The following ENPP1 variants were observed in gnomAD, a reference collection of about 807,000 sequenced individuals.
ENPP1 encodes ectonucleotide pyrophosphatase/phosphodiesterase family member 1.
ENPP1 carries 73 observed loss-of-function variants against 122.8 expected under a neutral mutation model. The observed-to-expected ratio is 0.59, with a 90% CI of 0.49 to 0.72. The LOEUF is 0.72. Among genes scored for constraint, ENPP1 ranks in the 30% least tolerant of loss-of-function variants. The pLI is 0.00. For synonymous variants in ENPP1, 367 were observed against 391.6 expected (o/e 0.94, Z 0.74); for missense variants, 978 against 1,128.1 (o/e 0.87, Z 1.91).
At chr6:131,813,164 A>G (rs1022401860) in intron 1 of ENPP1, among the ~76,000 whole-genome samples, 23 of 151,968 alleles carry the variant, frequency 1.5e-4, no homozygotes, top group African/African-American at 4.4e-4. Flanking sequence ...TTAATTTGCA[A>G]TTGATTAAAG....
chr6:131,837,313 G>A (rs1449321728), intron 1 of ENPP1, among the ~76,000 whole-genome samples: 1 of 151,754 alleles, frequency 6.6e-6, no homozygotes, highest in Non-Finnish European at 1.5e-5. Context: ...ATCACCTGAG[G>A]TCAGGAGTTT....
Position 131,893,854 on chromosome 6 carries a change from T to C in ENPP1, c.*3343T>C, listed in dbSNP as rs1040546632. ...GGTAAATTTGAATGGTAAATTCCCA[T>C]GAACATATATGGAAATGTCTTTATC... On this transcript the variant is annotated 3_prime_UTR_variant, in exon 25 of 25. Transcript: ENST00000647893. The C allele has an allele frequency of 6.6e-6, 1 of 151,768 alleles. No individual in the cohort carries two copies. Among genetic ancestry groups the C allele is most frequent in the African/African-American group, 2.4e-5 (1 of 41,374 alleles). 9.4% of individuals were successfully genotyped at this position (151,768 alleles called of 1,614,324 possible).
intron 24 of ENPP1, among the ~76,000 whole-genome samples, chr6:131,889,778 T>C (rs925700508): frequency 6.6e-6 from 1 of 152,162 alleles, no homozygotes; most frequent in African/African-American, 2.4e-5. Flanking sequence ...TATAATAGAA[T>C]GATTTATATT....
chr6:131,880,566 CA>C (rs373514648), intron 20 of ENPP1, among the ~76,000 whole-genome samples: 207 of 130,714 alleles, frequency 1.6e-3, no homozygotes, highest in Middle Eastern at 3.9e-3. Flanking sequence ...GACTCCATCT[CA>C]AAAAAAAAAA....
chr6:131,890,332 T>G lies in ENPP1; in HGVS notation c.2608-9T>G. On this transcript the variant is annotated splice_polypyrimidine_tract_variant and intron_variant, in intron 24 of 24. Transcript: ENST00000647893. ...GGTAACTTTTCTTTTATATTTCCTATTCTCCTAGCATGGGAAGCATGACTC... is the reference window on the plus strand; with the variant it reads ...GGTAACTTTTCTTTTATATTTCCTAGTCTCCTAGCATGGGAAGCATGACTC... 6.2e-7 allele frequency: 1 copy of G among 1,612,254 alleles called. No homozygotes were observed. Among genetic ancestry groups the G allele is most frequent in the Non-Finnish European group, 8.5e-7 (1 of 1,178,220 alleles).
At chr6:131,809,649 GAGGT>G in intron 1 of ENPP1, among the ~76,000 whole-genome samples, 1 of 152,198 alleles carries the variant, frequency 6.6e-6, no homozygotes, top group East Asian at 1.9e-4. Flanking sequence ...TTAATACCTT[GAGGT>G]GTTTCACACA....
At chr6:131,880,489 G>A (rs771614660) in intron 20 of ENPP1, among the ~76,000 whole-genome samples, 55 of 151,294 alleles carry the variant, frequency 3.6e-4, no homozygotes, top group Non-Finnish European at 5.3e-4. Flanking sequence ...GTGTGAACCC[G>A]GGAGGTGGTG....
intron 5 of ENPP1, among the ~76,000 whole-genome samples, chr6:131,854,486 T>C (rs1054567491): frequency 6.6e-5 from 10 of 152,148 alleles, no homozygotes; most frequent in African/African-American, 2.4e-4. Context: ...TACTATTTAC[T>C]GTATTAGAGT....
chr6:131,882,996 G>C (rs1039500386), intron 21 of ENPP1, among the ~76,000 whole-genome samples: 2 of 152,168 alleles, frequency 1.3e-5, no homozygotes, highest in Admixed American at 1.3e-4. Flanking sequence ...GGTAAAGGTA[G>C]AGGCTTACAT....
intron 1 of ENPP1, among the ~76,000 whole-genome samples, chr6:131,830,908 C>T (rs2114670484): frequency 6.6e-6 from 1 of 151,826 alleles, no homozygotes; most frequent in African/African-American, 2.4e-5. Flanking sequence ...CTCAGGAGTT[C>T]AAGACCAGCC....
intron 23 of ENPP1, among the ~76,000 whole-genome samples, chr6:131,885,270 A>T (rs1782362653): frequency 6.6e-6 from 1 of 152,244 alleles, no homozygotes; most frequent in Admixed American, 6.5e-5. Flanking sequence ...TAGGTAAAAA[A>T]GTAGTGTTTC....
At chr6:131,871,969 T>A (rs568148104) in intron 13 of ENPP1, 101 bp from the exon 14 acceptor site, 1 of 894,680 alleles carries the variant, frequency 1.1e-6, no homozygotes, top group East Asian at 2.4e-5. Context: ...CCTGCCTTGG[T>A]ATTTAAATGC....
chr6:131,844,248 C>A (rs1449549472), intron 1 of ENPP1, among the ~76,000 whole-genome samples: 1 of 152,130 alleles, frequency 6.6e-6, no homozygotes, highest in Non-Finnish European at 1.5e-5. Context: ...ATTTCAGTTA[C>A]CACAGTTTAA....
At chr6:131,809,703 A>C (rs1781324512) in intron 1 of ENPP1, among the ~76,000 whole-genome samples, 1 of 152,242 alleles carries the variant, frequency 6.6e-6, no homozygotes, top group Non-Finnish European at 1.5e-5. Context: ...ATCAGTGTGT[A>C]ACTCTTGTGT....
In ENPP1 at chr6:131,882,392, T is replaced by C. The variant is rs766593320; in HGVS notation, c.2148T>C (p.Phe716=). 2 of 1,604,816 alleles carry C rather than the reference T, an allele frequency of 1.2e-6. No individual in the cohort carries two copies. Among genetic ancestry groups the C allele is most frequent in the Admixed American group, 1.7e-5 (1 of 59,858 alleles). Residue 716 remains phenylalanine (F), a synonymous_variant, in exon 21 of 25, where the codon TTT becomes TTC. Transcript: ENST00000647893. ...EDFSNCLYQD[F]RIPLSPVHKC... ...TCTCCAACTGTCTGTACCAGGACTTTAGAATTCCTCTTAGTCCTGTCCATA... is the reference window on the plus strand; with the variant it reads ...TCTCCAACTGTCTGTACCAGGACTTCAGAATTCCTCTTAGTCCTGTCCATA...
chr6:131,875,442 A>G (rs1782217995), intron 16 of ENPP1, among the ~76,000 whole-genome samples: 1 of 151,208 alleles, frequency 6.6e-6, no homozygotes, highest in Non-Finnish European at 1.5e-5. Flanking sequence ...AACTTACAAT[A>G]ATTATTTAAT....
At position 131,855,052 on chromosome 6, in the gene ENPP1, A is replaced by C. The variant is rs758385512; in HGVS notation, c.715+29A>C. 6 of 1,413,286 alleles carry C rather than the reference A, an allele frequency of 4.2e-6. No homozygotes were observed. In the African/African-American group the frequency reaches 8.5e-5, roughly 20 times the overall value. The allele number at this position is 1,413,286 out of a possible 1,614,324, so 87.5% of individuals were successfully genotyped here. A position where few individuals can be genotyped will look rare whatever the true frequency, so the allele number is the denominator to read the frequency against. On this transcript the variant is annotated intron_variant, in intron 6 of 24. Transcript: ENST00000647893. ...AGTAACTTCAGAGTTTACTGCTGGA[A>C]TATCACCATTTCAGTGAGATTGACT... is the stretch of plus-strand genomic sequence containing the variant.
At chr6:131,836,253 C>T (rs966140161) in intron 1 of ENPP1, among the ~76,000 whole-genome samples, 2 of 152,084 alleles carry the variant, frequency 1.3e-5, no homozygotes, top group Non-Finnish European at 2.9e-5. Flanking sequence ...GCTGGGATTA[C>T]AGGCACCCAC....
intron 1 of ENPP1, among the ~76,000 whole-genome samples, chr6:131,815,513 A>G (rs1308151519): frequency 6.6e-6 from 1 of 152,140 alleles, no homozygotes; most frequent in Non-Finnish European, 1.5e-5. Flanking sequence ...GCACTTTGCT[A>G]ATTTCTATTT....
Sources: allele counts gnomAD v4.1 joint callset (sites outside exome capture counted in the v4.1 genomes callset), GRCh38; gene constraint gnomAD v4.1.1; transcripts MANE v1.5; gene names NCBI Gene and HGNC (gene_info 2026-07-23, HGNC 2026-07-21).